Variants in TBC1D2 observed in about 807,000 individuals in gnomAD.
TBC1D2 encodes TBC1 domain family member 2A.
A neutral mutation model predicts 91.1 loss-of-function variants in TBC1D2; 58 were observed. The ratio of observed to expected loss-of-function variants is 0.64; its 90% CI spans 0.52 to 0.79. The LOEUF is 0.79. Among genes scored for constraint, TBC1D2 ranks in the 30% least tolerant of loss-of-function variants. The pLI, the probability that TBC1D2 is intolerant of heterozygous loss-of-function variation, is 0.00. For missense variants in TBC1D2, 1,080 were observed against 1,208.3 expected, an observed-to-expected ratio of 0.89 and a Z score of 1.57; for synonymous variants, 482 against 511.5, an observed-to-expected ratio of 0.94 and a Z score of 0.78.
intron 4 of TBC1D2, among the ~76,000 whole-genome samples, chr9:98,232,092 AC>A (rs1170310085): frequency 6.6e-6 from 1 of 152,166 alleles, no homozygotes; most frequent in Non-Finnish European, 1.5e-5. Flanking sequence ...CTGAGGATAT[AC>A]AGAAAGCCAC....
rs771323125 is a variant in TBC1D2, at chr9:98,210,717, C to T, written c.1612G>A (p.Glu538Lys). 3 of 1,599,206 alleles carry T rather than the reference C, an allele frequency of 1.9e-6. No individual in the cohort carries two copies. The highest frequency in any genetic ancestry group is 2.6e-6 in the Non-Finnish European group (3 of 1,172,886). ...CSELLRQLVQEALQWEAGEAS... is the reference protein window; with the variant it reads ...CSELLRQLVQKALQWEAGEAS... ...TCCCCAGCTTCCCACTGCAGTGCCT[C>T]CTGGACAAGCTGCCTCAGCAGCTCT... is the stretch of plus-strand genomic sequence containing the variant. The change falls in exon 8 of 13, where the codon GAG (glutamate) becomes AAG (lysine). Residue 538 changes from glutamate (E) to lysine (K), a missense_variant. Physicochemically the swap from Glu to Lys is moderately conservative, Grantham distance 56. Coordinates refer to ENST00000465784, the MANE Select transcript of TBC1D2 (RefSeq NM_001267571.2).
intron 3 of TBC1D2, among the ~76,000 whole-genome samples, chr9:98,242,128 C>T (rs1375735092): frequency 6.6e-6 from 1 of 152,122 alleles, no homozygotes; most frequent in Non-Finnish European, 1.5e-5. Context: ...GCTCTAAGTT[C>T]ATCTGAAGTC....
chr9:98,199,001 C>T, downstream of TBC1D2: 1 of 282,598 alleles, frequency 3.5e-6, no homozygotes, highest in Non-Finnish European at 6.8e-6. Flanking sequence ...CAACTGGTAA[C>T]TGAGAACTGT....
At chr9:98,208,561 G>A in intron 9 of TBC1D2, 107 bp downstream of exon 9, 1 of 1,059,946 alleles carries the variant, frequency 9.4e-7, no homozygotes, top group Non-Finnish European at 1.3e-6. Context: ...CTCCTGCTGT[G>A]CGGCCCCTTA....
intron 2 of TBC1D2, among the ~76,000 whole-genome samples, chr9:98,249,803 A>T (rs1281410166): frequency 6.6e-6 from 1 of 152,106 alleles, no homozygotes; most frequent in African/African-American, 2.4e-5. Flanking sequence ...TATTAGGACA[A>T]CTCCCATGTA....
In TBC1D2 at chr9:98,217,703, C is replaced by CT. The variant is rs557905635; in HGVS notation, c.1374+3129dup. ...TAAGGAACACCAACTACATGCAACT[C>CT]TTTCTCTTTTTTATTTTTTTTTTAA... On this transcript the variant is annotated intron_variant, in intron 6 of 12. Transcript: ENST00000465784. Among the ~76,000 whole-genome samples, 3 of 152,068 alleles carry CT rather than the reference C, an allele frequency of 2.0e-5. No homozygotes were observed. The South Asian group carries it at 6.2e-4, about 32-fold the overall frequency.
intron 2 of TBC1D2, among the ~76,000 whole-genome samples, chr9:98,248,255 A>G (rs1330928655): frequency 6.6e-6 from 1 of 152,258 alleles, no homozygotes; most frequent in African/African-American, 2.4e-5. Flanking sequence ...GGAGTGTGCA[A>G]GGCACGGGCG....
intron 2 of TBC1D2, among the ~76,000 whole-genome samples, chr9:98,247,728 C>CAAAAAAAA (rs58713846): frequency 1.7e-4 from 12 of 70,834 alleles, no homozygotes; most frequent in Non-Finnish European, 3.0e-4. Context: ...GACTCCGTCT[C>CAAAAAAAA]AAAAAAAAAA....
chr9:98,224,150 T>G (rs1829168160), intron 5 of TBC1D2, among the ~76,000 whole-genome samples: 1 of 145,044 alleles, frequency 6.9e-6, no homozygotes, highest in Non-Finnish European at 1.5e-5. Context: ...TGAGCTGAGA[T>G]CGCACCACTG....
At chr9:98,209,734 CTTCT>C (rs769912629) in intron 8 of TBC1D2, among the ~76,000 whole-genome samples, 3 of 129,414 alleles carry the variant, frequency 2.3e-5, no homozygotes, top group South Asian at 2.5e-4. Context: ...TCCTTCCTTC[CTTCT>C]TTCCTTTCCT....
At position 98,228,117 on chromosome 9, in the gene TBC1D2, A is replaced by G. The variant is rs2119117991; in HGVS notation, c.978+835T>C. Among the ~76,000 whole-genome samples the G allele has an allele frequency of 6.6e-6, 1 of 152,346 alleles. No homozygotes were observed. The highest frequency in any genetic ancestry group is 1.9e-4 in the East Asian group (1 of 5,188). ...AACACAAAAGCTTAGGCCTTCCTCT[A>G]GAGGAAAAGGAGTCTGGGCCCTCAC... On this transcript the variant is annotated intron_variant, in intron 5 of 12. Transcript: ENST00000465784. This position sits in a 1 kb window ranked among gnomAD's most constrained non-coding sequence, Gnocchi z 4.0.
At chr9:98,209,456 C>T (rs954673066) in intron 8 of TBC1D2, among the ~76,000 whole-genome samples, 3 of 152,248 alleles carry the variant, frequency 2.0e-5, no homozygotes, top group Middle Eastern at 3.4e-3. Flanking sequence ...ATATAAAGGA[C>T]CCTCTTATTA....
At chr9:98,251,222 C>T (rs765945220) in intron 2 of TBC1D2, among the ~76,000 whole-genome samples, 2 of 151,678 alleles carry the variant, frequency 1.3e-5, no homozygotes, top group East Asian at 1.9e-4. Flanking sequence ...ACCCGGGAGG[C>T]GGAAGTTGCA....
At chr9:98,231,896 G>T (rs1420676680) in intron 4 of TBC1D2, among the ~76,000 whole-genome samples, 1 of 152,140 alleles carries the variant, frequency 6.6e-6, no homozygotes, top group Non-Finnish European at 1.5e-5. Context: ...TCACAGCATG[G>T]TATATTCCTT....
intron 5 of TBC1D2, among the ~76,000 whole-genome samples, chr9:98,221,546 C>T (rs1454940684): frequency 6.6e-6 from 1 of 152,324 alleles, no homozygotes; most frequent in East Asian, 1.9e-4. Context: ...TAGATACACG[C>T]TCCTCTGGTC....
chr9:98,226,121 G>A (rs1029918465), intron 5 of TBC1D2, among the ~76,000 whole-genome samples: 1 of 152,248 alleles, frequency 6.6e-6, no homozygotes, highest in African/African-American at 2.4e-5. Context: ...TGGGCACCCA[G>A]AAGTTGTGCT....
At position 98,201,564 on chromosome 9, in the gene TBC1D2, T is replaced by C. The variant is rs1391162711; in HGVS notation, c.2372A>G (p.Asn791Ser). The change falls in exon 11 of 13, where the codon AAC (asparagine) becomes AGC (serine). Residue 791 changes from asparagine to serine, a missense_variant. Coordinates refer to ENST00000465784, the MANE Select transcript of TBC1D2 (RefSeq NM_001267571.2). ...HHVDLSLVTF[N>S]WFLVVFADSL... ...GTCCGCAAAGACCACGAGGAACCAG[T>C]TGAAGGTGACGAGGGAGAGATCCAC... 6.2e-7 allele frequency: 1 copy of C among 1,614,034 alleles called. No homozygotes were observed. The highest frequency in any genetic ancestry group is 8.5e-7 in the Non-Finnish European group (1 of 1,180,026).
At position 98,203,427 on chromosome 9, in the gene TBC1D2, C is replaced by A. The variant is rs762803083; in HGVS notation, c.2151-19G>T. 6.2e-7 allele frequency: 1 copy of A among 1,613,004 alleles called. No individual in the cohort carries two copies. On this transcript the variant is annotated intron_variant, in intron 9 of 12. Transcript: ENST00000465784. ...CGCCAGCCTGGAGTAGTAGGGAAGGCCTGGAGTGATTACAGAAGCCGTGGC... is the reference window on the plus strand; with the variant it reads ...CGCCAGCCTGGAGTAGTAGGGAAGGACTGGAGTGATTACAGAAGCCGTGGC...
intron 4 of TBC1D2, among the ~76,000 whole-genome samples, chr9:98,232,602 G>C (rs994132070): frequency 5.9e-5 from 9 of 152,120 alleles, no homozygotes; most frequent in Admixed American, 2.6e-4. Flanking sequence ...ACAAGCGTGA[G>C]CCACCATGCC....
Sources: allele counts gnomAD v4.1 joint callset (sites outside exome capture counted in the v4.1 genomes callset), GRCh38; gene constraint gnomAD v4.1.1; non-coding constraint Gnocchi (gnomAD v3.1); transcripts MANE v1.5; gene names NCBI Gene and HGNC (gene_info 2026-07-23, HGNC 2026-07-21).